Variants in RNFT2 observed in about 807,000 individuals in gnomAD.
RNFT2 encodes the protein E3 ubiquitin-protein ligase RNFT2.
Under a neutral mutation model 53.0 loss-of-function variants are expected in RNFT2, and 36 were observed. That is an observed-to-expected ratio of 0.68 (90% CI 0.52 to 0.90). RNFT2 has a LOEUF of 0.90. RNFT2 is among the 40% of genes least tolerant of loss of function. RNFT2 has a pLI of 0.00. For synonymous variants in RNFT2, 260 were observed against 253.2 expected (o/e 1.03, Z -0.26); for missense variants, 514 against 585.6 (o/e 0.88, Z 1.26).
intron 7 of RNFT2, among the ~76,000 whole-genome samples, chr12:116,784,845 C>A (rs1449382883): frequency 2.0e-5 from 3 of 152,166 alleles, no homozygotes; most frequent in African/African-American, 7.2e-5. Flanking sequence ...TCTGTGTGTC[C>A]ACTCCAACCC....
At chr12:116,817,513 A>C (rs935808817) in intron 7 of RNFT2, among the ~76,000 whole-genome samples, 2 of 152,138 alleles carry the variant, frequency 1.3e-5, no homozygotes, top group African/African-American at 4.8e-5. Context: ...AAGCTGTATA[A>C]CCTTGTCCCT....
chr12:116,824,431 A>T (rs981129273), intron 7 of RNFT2, among the ~76,000 whole-genome samples: 4 of 152,210 alleles, frequency 2.6e-5, no homozygotes, highest in African/African-American at 7.2e-5. Flanking sequence ...ACTTAAATTT[A>T]AAAAATGTAT....
chr12:116,747,451 G>A (rs893794933), intron 3 of RNFT2, among the ~76,000 whole-genome samples: 2 of 152,034 alleles, frequency 1.3e-5, no homozygotes, highest in Non-Finnish European at 2.9e-5. Flanking sequence ...AGGATCACTT[G>A]AGCCCAGGAG....
chr12:116,740,377 G>T lies in RNFT2; in HGVS notation c.-121G>T. ...GTCTCTGGCAAGCTCCCCTGACTGTGCATCCCTCTGGAGACGAAGAGGAGG... is the reference window on the plus strand; with the variant it reads ...GTCTCTGGCAAGCTCCCCTGACTGTTCATCCCTCTGGAGACGAAGAGGAGG... On this transcript the variant is annotated 5_prime_UTR_variant, in exon 2 of 11. Transcript: ENST00000257575. 3.2e-6 allele frequency: 3 copies of T among 934,220 alleles called. No individual in the cohort carries two copies. Among genetic ancestry groups the T allele is most frequent in the South Asian group, 2.8e-5 (2 of 70,286 alleles). 57.9% of individuals were successfully genotyped at this position (934,220 alleles called of 1,614,324 possible). A position where few individuals can be genotyped will look rare whatever the true frequency, so the allele number is the denominator to read the frequency against.
At chr12:116,829,344 C>T (rs1007074866) in intron 7 of RNFT2, among the ~76,000 whole-genome samples, 4 of 152,094 alleles carry the variant, frequency 2.6e-5, no homozygotes, top group African/African-American at 7.2e-5. Context: ...CAGTCACCCC[C>T]CATCTTCCCA....
intron 7 of RNFT2, among the ~76,000 whole-genome samples, chr12:116,805,137 T>TA (rs71095598): frequency 6.6e-5 from 10 of 151,364 alleles, no homozygotes; most frequent in Non-Finnish European, 1.2e-4. Flanking sequence ...TTTTTTTTTT[T>TA]AGAAGTTTTA....
chr12:116,754,253 A>T (rs1433194298), intron 5 of RNFT2, among the ~76,000 whole-genome samples, 193 bp downstream of exon 5: 4 of 152,184 alleles, frequency 2.6e-5, no homozygotes, highest in Non-Finnish European at 5.9e-5. Flanking sequence ...ATCACTTAGA[A>T]TAATAGTTTC....
At position 116,836,265 on chromosome 12, in the gene RNFT2, C is replaced by G. The variant is rs751842654; in HGVS notation, c.1183C>G (p.Leu395Val). 7 of 1,576,210 alleles carry G rather than the reference C, an allele frequency of 4.4e-6. No individual in the cohort carries two copies. The highest frequency in any genetic ancestry group is 5.2e-6 in the Non-Finnish European group (6 of 1,160,906). Residue 395 changes from leucine (L) to valine (V), a missense_variant, in exon 10 of 11, where the codon CTG becomes GTG. Leu to Val is a conservative substitution (Grantham distance 32, BLOSUM62 1). Around this residue, in one of 3 missense-constraint regions of RNFT2, gnomAD observed 273 missense variants for 334.4 expected, o/e 0.82. Coordinates refer to ENST00000257575, the MANE Select transcript of RNFT2 (RefSeq NM_001382266.1). ...AICQAEFREPLILLCQHVFCE... is the reference protein window; with the variant it reads ...AICQAEFREPVILLCQHVFCE... ...CTGTCAGGCCGAGTTCCGAGAGCCT[C>G]TGATTCTCCTGTGCCAGGTGAGCAG...
intron 6 of RNFT2, 129 bp from the exon 7 acceptor site, chr12:116,779,066 C>A (rs1873566936): frequency 3.1e-6 from 3 of 956,274 alleles, no homozygotes; most frequent in South Asian, 1.6e-5. Context: ...AGGAAAAGGA[C>A]ACAGACGTCT....
chr12:116,831,360 A>G (rs552324080), intron 7 of RNFT2, among the ~76,000 whole-genome samples: 1 of 152,318 alleles, frequency 6.6e-6, no homozygotes, highest in East Asian at 1.9e-4. Flanking sequence ...CAGGATGTCA[A>G]AATGACTTCT....
At chr12:116,817,286 T>C (rs910773160) in intron 7 of RNFT2, among the ~76,000 whole-genome samples, 6 of 152,178 alleles carry the variant, frequency 3.9e-5, no homozygotes, top group Admixed American at 2.0e-4. Context: ...GTACTGGGAT[T>C]ACAGGTGTGA....
intron 3 of RNFT2, among the ~76,000 whole-genome samples, chr12:116,741,499 A>G (rs1275132648): frequency 6.6e-6 from 1 of 152,208 alleles, no homozygotes; most frequent in African/African-American, 2.4e-5. Context: ...TTTCTGGTTC[A>G]CTGATGGCCA....
At chr12:116,767,962 G>A (rs570188579) in intron 6 of RNFT2, among the ~76,000 whole-genome samples, 7 of 152,040 alleles carry the variant, frequency 4.6e-5, no homozygotes, top group Admixed American at 2.0e-4. Context: ...CACATTTCAA[G>A]TGTTCAAAAT....
At chr12:116,834,006 G>C in intron 8 of RNFT2, 65 bp downstream of exon 8, 2 of 1,430,390 alleles carry the variant, frequency 1.4e-6, no homozygotes, top group Non-Finnish European at 1.8e-6. Context: ...CAGGCCTCAG[G>C]GGGCTCCTGG....
At chr12:116,771,978 A>G (rs887970469) in intron 6 of RNFT2, among the ~76,000 whole-genome samples, 1 of 152,212 alleles carries the variant, frequency 6.6e-6, no homozygotes, top group South Asian at 2.1e-4. Context: ...GAGTTCCTTC[A>G]GGGCTGCTTG....
intron 4 of RNFT2, 54 bp downstream of exon 4, chr12:116,750,361 T>C (rs1592937028): frequency 6.6e-7 from 1 of 1,516,118 alleles, no homozygotes. Flanking sequence ...GCAGGCTGCC[T>C]GCAGCCGGTG....
chr12:116,821,885 A>T (rs1876057480), intron 7 of RNFT2, among the ~76,000 whole-genome samples: 2 of 118,642 alleles, frequency 1.7e-5, no homozygotes, highest in Non-Finnish European at 3.2e-5. Flanking sequence ...GAGTGCATGG[A>T]GTGCAGTGGC....
At chr12:116,776,879 A>G (rs1015330799) in intron 6 of RNFT2, among the ~76,000 whole-genome samples, 1 of 145,692 alleles carries the variant, frequency 6.9e-6, no homozygotes, top group Non-Finnish European at 1.5e-5. Context: ...AGGTGACTCC[A>G]CCTCTTAGTG....
At chr12:116,740,308 G>A (rs775860513) in intron 1 of RNFT2, 37 bp from the exon 2 acceptor site, 37 of 590,598 alleles carry the variant, frequency 6.3e-5, no homozygotes, top group Non-Finnish European at 9.5e-5. Flanking sequence ...TCAAGGTATC[G>A]CAGGGACTGT....
Sources: allele counts gnomAD v4.1 joint callset (sites outside exome capture counted in the v4.1 genomes callset), GRCh38; gene constraint gnomAD v4.1.1; regional missense constraint gnomAD v4.1.1; transcripts MANE v1.5; gene names NCBI Gene and HGNC (gene_info 2026-07-23, HGNC 2026-07-21).